SCFD1: variants seen among roughly 807,000 people sequenced by gnomAD.
SCFD1 encodes sec1 family domain-containing protein 1.
SCFD1 carries 37 observed loss-of-function variants against 103.2 expected under a neutral mutation model. The ratio of observed to expected loss-of-function variants is 0.36; its 90% confidence interval spans 0.28 to 0.47. SCFD1 has a LOEUF of 0.47. SCFD1 is among the 20% of genes least tolerant of loss of function. The probability of loss-of-function intolerance (pLI) is 1.00; values close to 1 mark genes in which losing one functional copy is unlikely to be tolerated. For missense variants in SCFD1, 639 were observed against 761.2 expected (o/e 0.84, Z 1.89); for synonymous variants, 264 against 245.0 (o/e 1.08, Z -0.73).
At chr14:30,720,041 G>GT (rs1892548066) in intron 21 of SCFD1, among the ~76,000 whole-genome samples, 1 of 152,128 alleles carries the variant, frequency 6.6e-6, no homozygotes. Context: ...AGTGAAGCTA[G>GT]TTTGTTGCCT....
chr14:30,628,081 A>G, intron 1 of SCFD1, 128 bp from the exon 2 acceptor site: 1 of 612,070 alleles, frequency 1.6e-6, no homozygotes, highest in South Asian at 2.0e-5. Flanking sequence ...CTACACATAT[A>G]GTCATTTGGT....
At chr14:30,632,117 C>CTGTATA (rs1469081714) in intron 3 of SCFD1, among the ~76,000 whole-genome samples, 22 of 147,350 alleles carry the variant, frequency 1.5e-4, no homozygotes, top group African/African-American at 5.5e-4. Flanking sequence ...ACTAATACTT[C>CTGTATA]TGTATACTAA....
At position 30,622,398 on chromosome 14, in the gene SCFD1, A is replaced by T. The variant is rs1287857117; in HGVS notation, c.60A>T (p.Thr20=). 6.4e-7 allele frequency: 1 copy of T among 1,552,708 alleles called. No homozygotes were observed. Among genetic ancestry groups the T allele is most frequent in the Non-Finnish European group, 8.7e-7 (1 of 1,147,532 alleles). Residue 20 remains threonine, a splice_region_variant and synonymous_variant, in exon 1 of 25, where the codon ACA becomes ACT. Transcript: ENST00000458591. The stretch of plus-strand genomic sequence containing the variant: ...CAGCCAGTATTCGGGAAAGGCAGAC[A>T]GGTACTGACTTATTCTCTTCTCCTT... The part of the protein sequence containing the change: ...AAAASIRERQ[T]VALKRMLNFN...
chr14:30,714,741 GT>G (rs1422437586), intron 19 of SCFD1, among the ~76,000 whole-genome samples: 5 of 152,144 alleles, frequency 3.3e-5, no homozygotes, highest in African/African-American at 1.2e-4. Flanking sequence ...CAGATTGAAT[GT>G]TTTTGTTGTA....
intron 14 of SCFD1, among the ~76,000 whole-genome samples, chr14:30,681,423 AATTTTTTATATAGATC>A (rs1483917485): frequency 2.0e-5 from 3 of 152,004 alleles, no homozygotes; most frequent in African/African-American, 7.2e-5. Flanking sequence ...GTACATTTTA[AATTTTTTATATAGATC>A]ATTTTAGTCT....
At chr14:30,634,682 C>T (rs1884532186) in intron 4 of SCFD1, 1 of 387,334 alleles carries the variant, frequency 2.6e-6, no homozygotes, top group African/African-American at 2.1e-5. Context: ...TTAGGAAGTC[C>T]ACACTGGTGC....
intron 14 of SCFD1, among the ~76,000 whole-genome samples, chr14:30,684,574 A>AT (rs914493709): frequency 2.7e-5 from 4 of 150,884 alleles, no homozygotes; most frequent in Admixed American, 6.6e-5. Context: ...AAGCACTAGA[A>AT]TTTTTTTTTA....
intron 1 of SCFD1, 173 bp downstream of exon 1, chr14:30,622,572 C>T (rs770796061): frequency 5.1e-6 from 6 of 1,169,922 alleles, no homozygotes; most frequent in Admixed American, 5.9e-5. Flanking sequence ...CTTGAGGACT[C>T]GGTTCCTCCT....
chr14:30,631,566 A>T (rs944117538), intron 3 of SCFD1, among the ~76,000 whole-genome samples: 3 of 152,064 alleles, frequency 2.0e-5, no homozygotes, highest in African/African-American at 4.8e-5. Context: ...TATTTTTTTA[A>T]AAAAAAGGAA....
chr14:30,629,703 G>C (rs1373925465), intron 2 of SCFD1, among the ~76,000 whole-genome samples: 3 of 151,446 alleles, frequency 2.0e-5, no homozygotes, highest in Admixed American at 6.6e-5. Context: ...TCAGCCTTCA[G>C]AGTAGCTGGG....
rs528730146 is a variant in SCFD1, at chr14:30,646,071, G to T, written c.613+2666G>T. The stretch of plus-strand genomic sequence containing the variant: ...AGATGAAGTCTTGCTCTGTCACTAG[G>T]CTGGAGTGCAGTGGCACAACCTCAG... On this transcript the variant is annotated intron_variant, in intron 7 of 24. Transcript: ENST00000458591. 3.0e-4 allele frequency among the ~76,000 whole-genome samples: 46 copies of T among 152,056 alleles called. 1 individual carries two copies. Among genetic ancestry groups the T allele is most frequent in the African/African-American group, 1.1e-3 (46 of 41,482 alleles).
intron 21 of SCFD1, 95 bp from the exon 22 acceptor site, chr14:30,721,789 T>A: frequency 9.9e-7 from 1 of 1,008,440 alleles, no homozygotes; most frequent in Non-Finnish European, 1.5e-6. Flanking sequence ...TGTAAATACT[T>A]ACCTAATAGT....
intron 10 of SCFD1, among the ~76,000 whole-genome samples, chr14:30,664,572 A>T (rs1029029267): frequency 1.3e-5 from 2 of 152,176 alleles, no homozygotes; most frequent in East Asian, 3.9e-4. Context: ...TAGGCTTCAG[A>T]AAGTCGATAA....
chr14:30,625,958 G>A (rs1594540403), intron 1 of SCFD1, among the ~76,000 whole-genome samples: 1 of 151,948 alleles, frequency 6.6e-6, no homozygotes, highest in Admixed American at 6.5e-5. Context: ...AAGTTGTCAG[G>A]CTTCAAGAGT....
chr14:30,649,171 T>A (rs1195959434), intron 7 of SCFD1, among the ~76,000 whole-genome samples: 1 of 152,106 alleles, frequency 6.6e-6, no homozygotes, highest in Non-Finnish European at 1.5e-5. Context: ...AAATTATAAA[T>A]CCTTTTATGT....
At chr14:30,668,519 C>T (rs1389950205) in intron 10 of SCFD1, among the ~76,000 whole-genome samples, 2 of 152,128 alleles carry the variant, frequency 1.3e-5, no homozygotes, top group African/African-American at 4.8e-5. Flanking sequence ...ACACCAAAAG[C>T]AATGGCAACA....
chr14:30,627,893 C>T (rs1883684917), intron 1 of SCFD1, among the ~76,000 whole-genome samples: 1 of 147,432 alleles, frequency 6.8e-6, no homozygotes, highest in Non-Finnish European at 1.5e-5. Context: ...TTAATCTATG[C>T]TTTCAGCCAG....
At chr14:30,696,677 G>A (rs1172683192) in intron 15 of SCFD1, among the ~76,000 whole-genome samples, 1 of 152,200 alleles carries the variant, frequency 6.6e-6, no homozygotes, top group Non-Finnish European at 1.5e-5. Flanking sequence ...CTAGCAAGGT[G>A]TGTGAGAACC....
At chr14:30,727,292 C>G (rs1315374525) in intron 23 of SCFD1, among the ~76,000 whole-genome samples, 1 of 152,194 alleles carries the variant, frequency 6.6e-6, no homozygotes, top group African/African-American at 2.4e-5. Context: ...TTAATAGTTA[C>G]GTGGTGGTCT....
Sources: allele counts gnomAD v4.1 joint callset (sites outside exome capture counted in the v4.1 genomes callset), GRCh38; gene constraint gnomAD v4.1.1; transcripts MANE v1.5; gene names NCBI Gene and HGNC (gene_info 2026-07-23, HGNC 2026-07-21).